Variants in CTNNA3 observed in about 807,000 individuals in gnomAD.
CTNNA3 encodes the protein catenin alpha 3, also known as catenin alpha-3.
A neutral mutation model predicts 95.7 loss-of-function variants in CTNNA3; 76 were observed. The ratio of observed to expected loss-of-function variants is 0.79; its 90% confidence interval spans 0.66 to 0.96. The LOEUF (loss-of-function observed/expected upper bound fraction) is 0.96, where lower values mean the gene tolerates loss of function less well. CTNNA3 is among the 40% of genes least tolerant of loss of function. The pLI, the probability that CTNNA3 is intolerant of heterozygous loss-of-function variation, is 0.00. For synonymous variants in CTNNA3, 431 were observed against 374.4 expected, an observed-to-expected ratio of 1.15 and a Z score of -1.74; for missense variants, 1,191 against 1,089.8, an observed-to-expected ratio of 1.09 and a Z score of -1.31.
intron 11 of CTNNA3, among the ~76,000 whole-genome samples, chr10:66,471,458 T>C (rs1245654943): frequency 6.6e-5 from 10 of 151,918 alleles, no homozygotes; most frequent in Non-Finnish European, 1.5e-5. Context: ...TTAGCACAGC[T>C]AAAATATTGC....
chr10:66,086,793 G>T (rs561442093), intron 14 of CTNNA3, among the ~76,000 whole-genome samples: 41 of 152,188 alleles, frequency 2.7e-4, no homozygotes, highest in African/African-American at 8.7e-4. Context: ...TCTCTTGGAA[G>T]ATTATTGTTA....
chr10:66,563,473 T>G (rs1187149040), intron 10 of CTNNA3, among the ~76,000 whole-genome samples: 1 of 152,064 alleles, frequency 6.6e-6, no homozygotes, highest in Non-Finnish European at 1.5e-5. Context: ...GTTGTTCCAT[T>G]ACAGAAAAAA....
chr10:67,016,915 G>C (rs955879860), intron 7 of CTNNA3, among the ~76,000 whole-genome samples: 2 of 152,056 alleles, frequency 1.3e-5, no homozygotes, highest in Non-Finnish European at 2.9e-5. Flanking sequence ...ATCAAAATAA[G>C]TTTTACCATC....
In CTNNA3 at chr10:67,704,885, A is replaced by G. The variant is rs529372627; in HGVS notation, c.-1-57371T>C. ...ATTTTCGCAACCTACTCATCTGACA[A>G]AGGGCTAATATCCAGAATCTACAAT... On this transcript the variant is annotated intron_variant, in intron 1 of 17. Coordinates refer to the CTNNA3 transcript ENST00000684154. Among the ~76,000 whole-genome samples, 116 of 152,230 alleles carry G rather than the reference A, an allele frequency of 7.6e-4. 1 individual carries two copies. The South Asian group carries it at 0.015, about 19-fold the overall frequency.
intron 13 of CTNNA3, among the ~76,000 whole-genome samples, chr10:66,232,910 C>A (rs1027943861): frequency 1.3e-5 from 2 of 152,024 alleles, no homozygotes; most frequent in South Asian, 2.1e-4. Context: ...GTAATCCCAG[C>A]ATTTTGGGAG....
intron 7 of CTNNA3, among the ~76,000 whole-genome samples, chr10:66,817,661 A>G (rs780534482): frequency 2.6e-5 from 4 of 152,048 alleles, no homozygotes. Flanking sequence ...TTAATAAATA[A>G]TTACTGACAA....
intron 11 of CTNNA3, among the ~76,000 whole-genome samples, chr10:66,455,522 A>C (rs2093490020): frequency 6.6e-6 from 1 of 152,168 alleles, no homozygotes; most frequent in Non-Finnish European, 1.5e-5. Context: ...CCCACTGCTC[A>C]TCAGCATAAG....
chr10:66,265,136 A>G (rs2091116660), intron 13 of CTNNA3, among the ~76,000 whole-genome samples: 1 of 152,028 alleles, frequency 6.6e-6, no homozygotes, highest in Admixed American at 6.6e-5. Context: ...AGGCTTTAAA[A>G]TGCTTCTCTA....
intron 5 of CTNNA3, among the ~76,000 whole-genome samples, chr10:67,409,089 A>G (rs1845265459): frequency 6.6e-6 from 1 of 152,234 alleles, no homozygotes; most frequent in African/African-American, 2.4e-5. Flanking sequence ...GAAACAACAG[A>G]TGCTGGCAAG....
chr10:67,206,466 A>C (rs1403770269), intron 6 of CTNNA3, among the ~76,000 whole-genome samples: 1 of 152,154 alleles, frequency 6.6e-6, no homozygotes, highest in Non-Finnish European at 1.5e-5. Context: ...TGTATCATTT[A>C]AATATGTAAA....
At chr10:67,250,773 T>A (rs2894030) in intron 5 of CTNNA3, among the ~76,000 whole-genome samples, 47,519 of 152,008 alleles carry the variant, frequency 0.31, 12,923 homozygotes, top group African/African-American at 0.73. Context: ...CCACAGTGAG[T>A]TATCACTTCA....
chr10:66,367,697 AT>A (rs1206599437), intron 12 of CTNNA3, among the ~76,000 whole-genome samples: 2 of 149,352 alleles, frequency 1.3e-5, no homozygotes, highest in Non-Finnish European at 3.0e-5. Flanking sequence ...GAATTTTAAA[AT>A]TTTGGGGTCA....
intron 6 of CTNNA3, among the ~76,000 whole-genome samples, chr10:67,197,003 A>C (rs1009762708): frequency 6.6e-6 from 1 of 152,126 alleles, no homozygotes; most frequent in African/African-American, 2.4e-5. Context: ...TTCTGTCTAC[A>C]TTGAACTTAG....
At chr10:66,741,137 A>G (rs1188041851) in intron 9 of CTNNA3, among the ~76,000 whole-genome samples, 1 of 152,204 alleles carries the variant, frequency 6.6e-6, no homozygotes, top group Admixed American at 6.5e-5. Flanking sequence ...TTTTTAAATG[A>G]TATCTTAGTA....
chr10:66,601,137 G>A (rs1422774733), intron 10 of CTNNA3, among the ~76,000 whole-genome samples: 1 of 151,814 alleles, frequency 6.6e-6, no homozygotes, highest in African/African-American at 2.4e-5. Context: ...CCAGATCTCA[G>A]ATGCATGAGA....
intron 15 of CTNNA3, among the ~76,000 whole-genome samples, chr10:66,030,346 T>C (rs1047118056): frequency 2.6e-5 from 4 of 152,124 alleles, no homozygotes; most frequent in Non-Finnish European, 5.9e-5. Flanking sequence ...CAAAGCAGCA[T>C]GCTACTGGTA....
intron 10 of CTNNA3, among the ~76,000 whole-genome samples, chr10:66,595,331 TTTATTA>T (rs138690387): frequency 0.3 from 44,914 of 149,004 alleles, 7,071 homozygotes; most frequent in Middle Eastern, 0.45. Context: ...ATTGATCTTA[TTTATTA>T]TTATTATTAT....
intron 8 of CTNNA3, among the ~76,000 whole-genome samples, chr10:66,775,047 A>G (rs1206263465): frequency 1.3e-5 from 2 of 152,200 alleles, no homozygotes; most frequent in East Asian, 3.9e-4. Context: ...AATACAATCA[A>G]TTGATCAACA....
chr10:66,060,836 TTAAA>T (rs1335356260), intron 15 of CTNNA3, among the ~76,000 whole-genome samples: 1 of 152,050 alleles, frequency 6.6e-6, no homozygotes, highest in East Asian at 1.9e-4. Context: ...AACAGGGTGA[TTAAA>T]TGAATGTGTG....
Sources: allele counts gnomAD v4.1 joint callset (sites outside exome capture counted in the v4.1 genomes callset), GRCh38; gene constraint gnomAD v4.1.1; transcripts MANE v1.5; gene names NCBI Gene and HGNC (gene_info 2026-07-23, HGNC 2026-07-21).